The following AK8 variants were observed in gnomAD, a reference collection of about 807,000 sequenced individuals.
AK8 encodes ATP-AMP transphosphorylase 8.
Under a neutral mutation model 54.6 loss-of-function variants are expected in AK8, and 44 were observed. The observed-to-expected ratio is 0.81, with a 90% confidence interval of 0.63 to 1.04. The LOEUF (loss-of-function observed/expected upper bound fraction) is 1.04, where lower values mean the gene tolerates loss of function less well. Ranked by LOEUF, AK8 falls within the 50% of genes least tolerant of loss-of-function variation. The pLI, the probability that AK8 is intolerant of heterozygous loss-of-function variation, is 0.00. For missense variants in AK8, 555 were observed against 613.6 expected (o/e 0.90, Z 1.01); for synonymous variants, 239 against 245.6 (o/e 0.97, Z 0.25).
In AK8 at chr9:132,790,475, C is replaced by T. The variant is rs928958605; in HGVS notation, c.1121+2159G>A. Among the ~76,000 whole-genome samples the T allele has an allele frequency of 6.6e-6, 1 of 152,192 alleles. No homozygotes were observed. The highest frequency in any genetic ancestry group is 1.5e-5 in the Non-Finnish European group (1 of 68,030). On this transcript the variant is annotated intron_variant, in intron 11 of 12. Transcript: ENST00000298545. The surrounding 1 kb of genome is among the most constrained non-coding windows in gnomAD (Gnocchi z 4.1). ...CCATGTTAGCCAGGATGGTCTCGATCTCCTGACCTCATGATCCACCCACCT... is the reference window on the plus strand; with the variant it reads ...CCATGTTAGCCAGGATGGTCTCGATTTCCTGACCTCATGATCCACCCACCT...
intron 11 of AK8, 75 bp from the exon 12 acceptor site, chr9:132,727,609 T>G: frequency 7.1e-7 from 1 of 1,409,522 alleles, no homozygotes; most frequent in Non-Finnish European, 9.9e-7. Flanking sequence ...CCTGGGGTCT[T>G]GAGAATCCTG....
At chr9:132,759,133 C>T (rs1838332328) in intron 11 of AK8, among the ~76,000 whole-genome samples, 1 of 147,414 alleles carries the variant, frequency 6.8e-6, no homozygotes, top group African/African-American at 2.5e-5. Flanking sequence ...GAGGTCGAGG[C>T]TGCAATGAGC....
At chr9:132,804,505 G>GA (rs941105506) in intron 10 of AK8, among the ~76,000 whole-genome samples, 12 of 152,068 alleles carry the variant, frequency 7.9e-5, no homozygotes, top group African/African-American at 2.9e-4. Context: ...GGGGTGAGGA[G>GA]AAGGAGTTCC....
At chr9:132,829,304 CT>C (rs2131310651) in intron 5 of AK8, among the ~76,000 whole-genome samples, 1 of 152,180 alleles carries the variant, frequency 6.6e-6, no homozygotes, top group East Asian at 1.9e-4. Context: ...ACAAGCATCT[CT>C]TCATATCTGC....
Position 132,875,196 on chromosome 9 carries a change from T to C in AK8, c.88A>G (p.Met30Val). 6.2e-7 allele frequency: 1 copy of C among 1,614,126 alleles called. No individual in the cohort carries two copies. Among genetic ancestry groups the C allele is most frequent in the South Asian group, 1.1e-5 (1 of 91,066 alleles). Residue 30 changes from methionine to valine, a missense_variant, in exon 2 of 13, where the codon ATG becomes GTG. By Grantham distance (21) the Met-to-Val change is conservative. Transcript: ENST00000298545. ...TGGTGGATCAGGAGTTGCTCCAGCA[T>C]GTTCTGTGGGTGCAGGGCAGACACC... The part of the protein sequence containing the change: ...ENHIFELMQN[M>V]LEQLLIHQPE...
At chr9:132,729,059 T>C (rs1018589093) in intron 11 of AK8, among the ~76,000 whole-genome samples, 1 of 152,112 alleles carries the variant, frequency 6.6e-6, no homozygotes, top group Non-Finnish European at 1.5e-5. Flanking sequence ...AGTTTTGTTA[T>C]CTATTTTTCA....
At chr9:132,752,627 GC>G (rs2131021811) in intron 11 of AK8, among the ~76,000 whole-genome samples, 1 of 151,626 alleles carries the variant, frequency 6.6e-6, no homozygotes, top group South Asian at 2.1e-4. Context: ...GCCACACCCT[GC>G]CCCCACCTTG....
At chr9:132,853,357 CAAAA>C (rs36114433) in intron 5 of AK8, among the ~76,000 whole-genome samples, 1 of 105,604 alleles carries the variant, frequency 9.5e-6, no homozygotes, top group Non-Finnish European at 1.8e-5. Flanking sequence ...GACTCCGCCT[CAAAA>C]AAAAAAAAAA....
intron 4 of AK8, among the ~76,000 whole-genome samples, chr9:132,859,080 G>A (rs1843286289): frequency 6.6e-6 from 1 of 152,216 alleles, no homozygotes. Flanking sequence ...CTGTGTCTCA[G>A]TTCAGCCTCA....
At chr9:132,802,807 C>T (rs1232912927) in intron 10 of AK8, among the ~76,000 whole-genome samples, 10 of 152,202 alleles carry the variant, frequency 6.6e-5, no homozygotes, top group African/African-American at 9.7e-5. Flanking sequence ...AGAGCAGAGT[C>T]GAGACCTCCT....
At chr9:132,760,528 C>A (rs183337011) in intron 11 of AK8, among the ~76,000 whole-genome samples, 6 of 152,164 alleles carry the variant, frequency 3.9e-5, no homozygotes, top group African/African-American at 1.4e-4. Context: ...AATCATAACA[C>A]CTGCCAATAA....
At chr9:132,836,811 C>T (rs1008609337) in intron 5 of AK8, among the ~76,000 whole-genome samples, 12 of 152,352 alleles carry the variant, frequency 7.9e-5, no homozygotes, top group Non-Finnish European at 8.8e-5. Flanking sequence ...GTTTGCCTGT[C>T]CTCTGGAAGC....
chr9:132,855,970 CAG>C (rs1380949289), intron 4 of AK8, among the ~76,000 whole-genome samples: 1 of 152,154 alleles, frequency 6.6e-6, no homozygotes, highest in Non-Finnish European at 1.5e-5. Flanking sequence ...GTGATTGATT[CAG>C]AGTGTTGGCC....
chr9:132,821,141 C>T (rs1360960481), intron 9 of AK8, among the ~76,000 whole-genome samples: 3 of 151,676 alleles, frequency 2.0e-5, no homozygotes, highest in African/African-American at 7.3e-5. Context: ...AAAAAAAAAC[C>T]TTTTATTGAA....
chr9:132,798,050 C>G (rs1008791939), intron 10 of AK8, among the ~76,000 whole-genome samples: 4 of 152,234 alleles, frequency 2.6e-5, no homozygotes, highest in African/African-American at 4.8e-5. Context: ...AGGAACTGCA[C>G]TGGTCCTCTC....
intron 11 of AK8, among the ~76,000 whole-genome samples, chr9:132,789,597 C>CAAAAAAAAAAAAAAAA (rs578003731): frequency 3.5e-5 from 2 of 57,546 alleles, no homozygotes; most frequent in African/African-American, 6.4e-5. Flanking sequence ...ACTCATCTCA[C>CAAAAAAAAAAAAAAAA]AAAAAAAAAA....
chr9:132,742,649 C>A (rs1306842085), intron 11 of AK8, among the ~76,000 whole-genome samples: 4 of 152,230 alleles, frequency 2.6e-5, no homozygotes, highest in Non-Finnish European at 5.9e-5. Flanking sequence ...TTACTTTGGG[C>A]TCTTTTCCTG....
intron 5 of AK8, among the ~76,000 whole-genome samples, chr9:132,842,441 G>T (rs1372407872): frequency 6.6e-6 from 1 of 152,102 alleles, no homozygotes; most frequent in East Asian, 1.9e-4. Context: ...ACAGTGCAGA[G>T]TTGGAGAGCA....
rs1261312396 is a variant in AK8, at chr9:132,761,267, TTC to T, written c.1121+31365_1121+31366del. Among the ~76,000 whole-genome samples, 44 of 146,750 alleles carry T rather than the reference TTC, an allele frequency of 3.0e-4. 1 individual carries two copies. The highest frequency in any genetic ancestry group is 9.3e-4 in the African/African-American group (36 of 38,880). On this transcript the variant is annotated intron_variant, in intron 11 of 12. Coordinates refer to ENST00000298545, the MANE Select transcript of AK8 (RefSeq NM_152572.3). ...TATTTCTTTTTTCTTTTCTTTTCTTTTCTTTTTTTTTTTTTTTGAGACAGGGT... is the reference window on the plus strand; with the variant it reads ...TATTTCTTTTTTCTTTTCTTTTCTTTTTTTTTTTTTTTTTTGAGACAGGGT...
Sources: allele counts gnomAD v4.1 joint callset (sites outside exome capture counted in the v4.1 genomes callset), GRCh38; gene constraint gnomAD v4.1.1; non-coding constraint Gnocchi (gnomAD v3.1); transcripts MANE v1.5; gene names NCBI Gene and HGNC (gene_info 2026-07-23, HGNC 2026-07-21).